PLCH1: variants seen among roughly 807,000 people sequenced by gnomAD.
PLCH1 encodes the protein 1-phosphatidylinositol 4,5-bisphosphate phosphodiesterase eta-1.
Under a neutral mutation model 126.7 loss-of-function variants are expected in PLCH1, and 60 were observed. That is an observed-to-expected ratio of 0.47 (90% CI 0.38 to 0.59). The LOEUF is 0.59. Ranked by LOEUF, PLCH1 falls within the 20% of genes least tolerant of loss-of-function variation. PLCH1 has a pLI of 0.00. For missense variants in PLCH1, 1,723 were observed against 2,040.0 expected (o/e 0.84, Z 2.99); for synonymous variants, 719 against 734.9 (o/e 0.98, Z 0.35).
At chr3:155,543,385 A>C (rs1194201798) in intron 10 of PLCH1, among the ~76,000 whole-genome samples, 9 of 152,206 alleles carry the variant, frequency 5.9e-5, no homozygotes, top group African/African-American at 4.8e-5. Context: ...ATATGGGACT[A>C]TGTGAAAAGA....
chr3:155,663,672 C>T lies in PLCH1; in HGVS notation c.79+40474G>A, dbSNP rs540568672. On this transcript the variant is annotated intron_variant, in intron 2 of 22. Coordinates refer to ENST00000460012, the MANE Select transcript of PLCH1 (RefSeq NM_014996.4). ...CAGGGGCTATGGCTTATTTACCCAG[C>T]TATCCTTTGCACACAGTATAATGCA... Among the ~76,000 whole-genome samples the T allele has an allele frequency of 3.3e-5, 5 of 152,306 alleles. No homozygotes were observed. In the South Asian group the frequency reaches 1.0e-3, roughly 32 times the overall value.
chr3:155,679,484 C>T (rs1405838750), intron 2 of PLCH1, among the ~76,000 whole-genome samples: 6 of 152,268 alleles, frequency 3.9e-5, no homozygotes, highest in Middle Eastern at 3.4e-3. Flanking sequence ...GAAGCTAATG[C>T]AGTAAGTGAA....
At chr3:155,473,587 T>C (rs1302784176) in intron 21 of PLCH1, among the ~76,000 whole-genome samples, 1 of 151,358 alleles carries the variant, frequency 6.6e-6, no homozygotes, top group Non-Finnish European at 1.5e-5. Flanking sequence ...TTAAAGTTCA[T>C]ATGGAACCAA....
intron 2 of PLCH1, among the ~76,000 whole-genome samples, chr3:155,636,251 T>C (rs560410461): frequency 2.0e-4 from 30 of 152,334 alleles, no homozygotes; most frequent in South Asian, 1.2e-3. Context: ...TTCCCTGGAA[T>C]AGGATTAACC....
chr3:155,692,442 T>A (rs1322485886), intron 2 of PLCH1, among the ~76,000 whole-genome samples: 4 of 148,336 alleles, frequency 2.7e-5, no homozygotes, highest in Non-Finnish European at 5.9e-5. Context: ...AATATACAGA[T>A]AAAGAATGAA....
At chr3:155,541,672 A>C (rs1724253798) in intron 10 of PLCH1, among the ~76,000 whole-genome samples, 1 of 152,182 alleles carries the variant, frequency 6.6e-6, no homozygotes. Context: ...AGATCACCAC[A>C]ACAGATACAA....
intron 2 of PLCH1, among the ~76,000 whole-genome samples, chr3:155,616,560 G>C (rs1000098648): frequency 1.3e-5 from 2 of 152,058 alleles, no homozygotes; most frequent in African/African-American, 2.4e-5. Context: ...GATTAAACTT[G>C]TTTAAATTAG....
intron 22 of PLCH1, among the ~76,000 whole-genome samples, chr3:155,484,917 G>A (rs1576792825): frequency 6.6e-6 from 1 of 152,174 alleles, no homozygotes; most frequent in East Asian, 1.9e-4. Context: ...TTTGAAAAAG[G>A]TGGCTCGTTT....
chr3:155,744,387 G>A (rs1049200146), intron 1 of PLCH1, among the ~76,000 whole-genome samples: 2 of 152,214 alleles, frequency 1.3e-5, no homozygotes, highest in African/African-American at 4.8e-5. Context: ...GAAAAGCTGT[G>A]AGACTCCCCA....
At chr3:155,500,065 A>C (rs1717661238) in intron 14 of PLCH1, among the ~76,000 whole-genome samples, 1 of 152,138 alleles carries the variant, frequency 6.6e-6, no homozygotes, top group Non-Finnish European at 1.5e-5. Context: ...TCTTTGTGAA[A>C]GTTATGGTAT....
At chr3:155,554,351 G>A (rs1256539033) in intron 8 of PLCH1, among the ~76,000 whole-genome samples, 155 bp from the exon 9 acceptor site, 1 of 152,104 alleles carries the variant, frequency 6.6e-6, no homozygotes, top group Non-Finnish European at 1.5e-5. Flanking sequence ...CGGTGTTCTG[G>A]CATATTTATC....
At chr3:155,702,937 C>T (rs358708) in intron 2 of PLCH1, among the ~76,000 whole-genome samples, 56,665 of 151,972 alleles carry the variant, frequency 0.37, 11,049 homozygotes, top group African/African-American at 0.47. Context: ...CATTCCCACG[C>T]CTCCTCTGCT....
intron 10 of PLCH1, among the ~76,000 whole-genome samples, chr3:155,540,148 C>T (rs1724039802): frequency 6.6e-6 from 1 of 152,128 alleles, no homozygotes; most frequent in South Asian, 2.1e-4. Flanking sequence ...AGAAAGGACA[C>T]CATATTCAAC....
chr3:155,558,141 C>A (rs1029605171), intron 8 of PLCH1, among the ~76,000 whole-genome samples: 5 of 152,066 alleles, frequency 3.3e-5, no homozygotes, highest in Non-Finnish European at 5.9e-5. Flanking sequence ...ATAACATTAC[C>A]AAAATAGAAG....
chr3:155,635,904 T>C (rs1353502365), intron 2 of PLCH1, among the ~76,000 whole-genome samples: 1 of 152,234 alleles, frequency 6.6e-6, no homozygotes, highest in African/African-American at 2.4e-5. Flanking sequence ...TTAAATCCCA[T>C]ATAAGAAATT....
rs1245036400 is a variant in PLCH1 at position 155,458,474 on chromosome 3, G to GA, written c.2938+26881dup. ...GGAAGGAAAGAAAGAAAGAAAGAAA[G>GA]AAAGAAAGAAAGAAAGAAAGAAAGA... On this transcript the variant is annotated intron_variant, in intron 21 of 21. Transcript: ENST00000494598. 2.2e-3 allele frequency among the ~76,000 whole-genome samples: 214 copies of GA among 96,626 alleles called. 27 individuals are homozygous for GA. Among genetic ancestry groups the GA allele is most frequent in the African/African-American group, 0.018 (203 of 11,056 alleles). The allele number at this position is 96,626 out of a possible 152,430, so 63.4% of individuals were successfully genotyped here. A position where few individuals can be genotyped will look rare whatever the true frequency, so the allele number is the denominator to read the frequency against.
chr3:155,474,980 T>C (rs1034399831), downstream of PLCH1, among the ~76,000 whole-genome samples: 1 of 133,634 alleles, frequency 7.5e-6, no homozygotes, highest in African/African-American at 2.9e-5. Flanking sequence ...TAATGCTAGA[T>C]GACGAGTTAG....
intron 11 of PLCH1, among the ~76,000 whole-genome samples, chr3:155,518,765 G>A (rs1720686667): frequency 6.6e-6 from 1 of 152,122 alleles, no homozygotes; most frequent in Admixed American, 6.5e-5. Context: ...AGAGCACCTA[G>A]GGTATCCAGT....
At chr3:155,537,202 C>CAAAAAAAAAAAAAAAAAAAAAAAA (rs535908017) in intron 10 of PLCH1, among the ~76,000 whole-genome samples, 7 of 10,434 alleles carry the variant, frequency 6.7e-4, no homozygotes, top group South Asian at 2.5e-3. Context: ...AAAAAAAAAC[C>CAAAAAAAAAAAAAAAAAAAAAAAA]AAAAAAAAAA....
Sources: allele counts gnomAD v4.1 joint callset (sites outside exome capture counted in the v4.1 genomes callset), GRCh38; gene constraint gnomAD v4.1.1; transcripts MANE v1.5; gene names NCBI Gene and HGNC (gene_info 2026-07-23, HGNC 2026-07-21).